Variants in EYS observed in about 807,000 individuals in gnomAD.
EYS encodes EGF-like photoreceptor maintenance factor, also known as protein eyes shut homolog.
EYS carries 250 observed loss-of-function variants against 282.1 expected under a neutral mutation model. That is an observed-to-expected ratio of 0.89 (90% CI 0.80 to 0.98). The LOEUF (loss-of-function observed/expected upper bound fraction) is 0.98, where lower values mean the gene tolerates loss of function less well. EYS is among the 50% of genes least tolerant of loss of function. The probability of loss-of-function intolerance (pLI) is 0.00; values close to 1 mark genes in which losing one functional copy is unlikely to be tolerated. For synonymous variants in EYS, 1,355 were observed against 1,282.9 expected (o/e 1.06, Z -1.20); for missense variants, 4,016 against 3,709.0 (o/e 1.08, Z -2.15).
chr6:65,456,658 G>A (rs960746222), intron 5 of EYS, among the ~76,000 whole-genome samples: 1 of 151,278 alleles, frequency 6.6e-6, no homozygotes, highest in Non-Finnish European at 1.5e-5. Flanking sequence ...AAAGACAAAA[G>A]CATATGATAA....
chr6:65,101,232 A>G (rs1426790386), intron 12 of EYS, among the ~76,000 whole-genome samples: 1 of 151,112 alleles, frequency 6.6e-6, no homozygotes, highest in Non-Finnish European at 1.5e-5. Context: ...AGGCTGAGGA[A>G]CGAGGCAATA....
At chr6:63,901,037 A>G (rs1375436653) in intron 35 of EYS, among the ~76,000 whole-genome samples, 2 of 152,254 alleles carry the variant, frequency 1.3e-5, no homozygotes, top group Non-Finnish European at 1.5e-5. Context: ...AGAAGTCGTC[A>G]GTAGAAATTA....
intron 11 of EYS, among the ~76,000 whole-genome samples, chr6:65,318,187 T>TA (rs1330093530): frequency 1.3e-5 from 2 of 151,254 alleles, no homozygotes; most frequent in Non-Finnish European, 2.9e-5. Flanking sequence ...TTTTTTTTTT[T>TA]ACCGTGCAGT....
At chr6:64,705,681 C>T (rs1741920250) in intron 22 of EYS, among the ~76,000 whole-genome samples, 1 of 151,440 alleles carries the variant, frequency 6.6e-6, no homozygotes, top group South Asian at 2.1e-4. Context: ...TTTGTAGGGA[C>T]ATGGATGAAA....
chr6:64,251,087 G>A (rs1323999670), intron 30 of EYS, among the ~76,000 whole-genome samples: 1 of 152,130 alleles, frequency 6.6e-6, no homozygotes, highest in Non-Finnish European at 1.5e-5. Flanking sequence ...TGCCTTGTCT[G>A]ATATGAACGT....
chr6:65,078,798 G>A (rs1456539242), intron 12 of EYS, among the ~76,000 whole-genome samples: 1 of 151,870 alleles, frequency 6.6e-6, no homozygotes, highest in Non-Finnish European at 1.5e-5. Flanking sequence ...GGGGCCTGGT[G>A]GGAGGCGTTT....
intron 35 of EYS, among the ~76,000 whole-genome samples, chr6:63,875,798 C>T (rs998220216): frequency 2.6e-5 from 4 of 152,180 alleles, no homozygotes; most frequent in Admixed American, 2.6e-4. Flanking sequence ...GTGTGTATTT[C>T]CATGGGATCG....
intron 19 of EYS, among the ~76,000 whole-genome samples, chr6:64,866,914 A>G (rs1166544678): frequency 6.6e-6 from 1 of 151,804 alleles, no homozygotes; most frequent in Non-Finnish European, 1.5e-5. Flanking sequence ...TCAGTTCATC[A>G]TTAGTTAAAA....
chr6:65,150,044 A>C (rs1010083047), intron 12 of EYS, among the ~76,000 whole-genome samples: 2 of 151,968 alleles, frequency 1.3e-5, no homozygotes, highest in Non-Finnish European at 2.9e-5. Context: ...CTATCATGAG[A>C]ACAGCATGGG....
chr6:64,298,911 T>G (rs146095228), intron 30 of EYS, among the ~76,000 whole-genome samples: 3 of 152,282 alleles, frequency 2.0e-5, no homozygotes, highest in African/African-American at 7.2e-5. Context: ...CAAAATAGAC[T>G]TTAAATTAAA....
chr6:63,954,629 C>T (rs186196637), intron 35 of EYS, among the ~76,000 whole-genome samples: 7 of 152,110 alleles, frequency 4.6e-5, no homozygotes, highest in Admixed American at 6.5e-5. Context: ...AACGCTTATG[C>T]TGATAAGGTA....
intron 24 of EYS, among the ~76,000 whole-genome samples, chr6:64,614,185 A>T (rs984328248): frequency 1.1e-4 from 17 of 152,124 alleles, no homozygotes; most frequent in African/African-American, 4.1e-4. Flanking sequence ...TTTAAGAAGA[A>T]TTTTCTAATG....
At chr6:64,605,905 A>G (rs955990503) in intron 24 of EYS, among the ~76,000 whole-genome samples, 1 of 152,010 alleles carries the variant, frequency 6.6e-6, no homozygotes, top group Non-Finnish European at 1.5e-5. Flanking sequence ...CATTTAGGGA[A>G]GCTTTTCTTA....
intron 14 of EYS, among the ~76,000 whole-genome samples, chr6:64,961,898 A>G (rs561648721): frequency 6.6e-6 from 1 of 152,296 alleles, no homozygotes; most frequent in South Asian, 2.1e-4. Flanking sequence ...ATACTCATAT[A>G]CTAAAAATTC....
intron 22 of EYS, among the ~76,000 whole-genome samples, chr6:64,780,128 T>C (rs1409589140): frequency 6.6e-6 from 1 of 152,140 alleles, no homozygotes; most frequent in Non-Finnish European, 1.5e-5. Flanking sequence ...TAAGTAGATA[T>C]CTGGGAGAGA....
At chr6:65,143,578 A>G (rs1764403458) in intron 12 of EYS, among the ~76,000 whole-genome samples, 1 of 152,076 alleles carries the variant, frequency 6.6e-6, no homozygotes, top group Non-Finnish European at 1.5e-5. Context: ...TTAAAACAAG[A>G]TAAAATGATG....
intron 30 of EYS, among the ~76,000 whole-genome samples, chr6:64,287,191 C>T (rs1768532862): frequency 6.6e-6 from 1 of 152,042 alleles, no homozygotes; most frequent in South Asian, 2.1e-4. Context: ...TAAGTCACTG[C>T]CTTTAGCTAC....
chr6:64,562,688 A>G (rs529888381), intron 26 of EYS, among the ~76,000 whole-genome samples: 13 of 152,056 alleles, frequency 8.5e-5, no homozygotes, highest in African/African-American at 3.1e-4. Context: ...AAAATAGAAG[A>G]TTGTTATAGA....
At chr6:64,956,143 C>T (rs1769694992) in intron 14 of EYS, among the ~76,000 whole-genome samples, 1 of 152,060 alleles carries the variant, frequency 6.6e-6, no homozygotes. Flanking sequence ...CAAAGCTATC[C>T]TAAGCAAAAA....
Sources: allele counts gnomAD v4.1 joint callset (sites outside exome capture counted in the v4.1 genomes callset), GRCh38; gene constraint gnomAD v4.1.1; transcripts MANE v1.5; gene names NCBI Gene and HGNC (gene_info 2026-07-23, HGNC 2026-07-21).